ALDH9A1: variants seen among roughly 807,000 people sequenced by gnomAD.
ALDH9A1 encodes the protein 4-trimethylaminobutyraldehyde dehydrogenase.
ALDH9A1 carries 42 observed loss-of-function variants against 56.6 expected under a neutral mutation model. The observed-to-expected ratio is 0.74, with a 90% CI of 0.58 to 0.96. ALDH9A1 has a LOEUF of 0.96. Among genes scored for constraint, ALDH9A1 ranks in the 40% least tolerant of loss-of-function variants. ALDH9A1 has a pLI of 0.00. For synonymous variants in ALDH9A1, 242 were observed against 236.0 expected (o/e 1.03, Z -0.23); for missense variants, 661 against 651.5 (o/e 1.01, Z -0.16).
chr1:165,675,493 GCA>G (rs993378657), intron 6 of ALDH9A1, among the ~76,000 whole-genome samples: 2 of 152,080 alleles, frequency 1.3e-5, no homozygotes, highest in Non-Finnish European at 2.9e-5. Flanking sequence ...AACACAGGAA[GCA>G]AAAACCAGAA....
chr1:165,698,372 A>G lies in ALDH9A1; in HGVS notation c.181+6T>C, dbSNP rs780185404. ...CGCCCCAGCCTCCCCGGCTCGTTGC[A>G]GTTACCGGTTGCTGGCTCGAAAGCT... On this transcript the variant is annotated splice_donor_region_variant and intron_variant, in intron 1 of 10. Transcript: ENST00000354775. 1 of 1,588,152 alleles carries G rather than the reference A, an allele frequency of 6.3e-7. No homozygotes were observed. Among genetic ancestry groups the G allele is most frequent in the Non-Finnish European group, 8.6e-7 (1 of 1,169,580 alleles).
At chr1:165,685,915 T>G (rs1048664243) in intron 2 of ALDH9A1, among the ~76,000 whole-genome samples, 3 of 152,168 alleles carry the variant, frequency 2.0e-5, no homozygotes, top group African/African-American at 7.2e-5. Flanking sequence ...TTAAGTAACA[T>G]TCTCCCTCCC....
intron 4 of ALDH9A1, 29 bp from the exon 5 acceptor site, chr1:165,680,712 A>T (rs760374598): frequency 1.3e-6 from 2 of 1,554,044 alleles, no homozygotes; most frequent in Non-Finnish European, 1.7e-6. Flanking sequence ...CAAACATAAA[A>T]AGACTTTCTA....
At chr1:165,664,958 G>T in intron 10 of ALDH9A1, 60 bp downstream of exon 10, 1 of 1,311,580 alleles carries the variant, frequency 7.6e-7, no homozygotes, top group Non-Finnish European at 1.1e-6. Flanking sequence ...GGTTTATAAG[G>T]TCTGAATTAC....
intron 4 of ALDH9A1, 64 bp downstream of exon 4, chr1:165,682,043 T>C (rs142657596): frequency 5.7e-6 from 9 of 1,585,366 alleles, no homozygotes; most frequent in Non-Finnish European, 7.7e-6. Context: ...AGGTAGAGAA[T>C]GGGGAGAGAA....
chr1:165,675,489 G>A (rs1649329572), intron 6 of ALDH9A1, among the ~76,000 whole-genome samples: 1 of 152,072 alleles, frequency 6.6e-6, no homozygotes, highest in Admixed American at 6.6e-5. Flanking sequence ...AAGAAACACA[G>A]GAAGCAAAAA....
chr1:165,689,999 G>T (rs1039103743), intron 2 of ALDH9A1, among the ~76,000 whole-genome samples: 3 of 145,542 alleles, frequency 2.1e-5, no homozygotes, highest in African/African-American at 7.7e-5. Context: ...GCTGCATTTT[G>T]CTGTAATAAA....
In ALDH9A1 at chr1:165,683,204, A is replaced by G. The variant is rs78491005; in HGVS notation, c.328-94T>C. The G allele has an allele frequency of 3.2e-3, 4,216 of 1,315,428 alleles. 21 individuals carry two copies. The highest frequency in any genetic ancestry group is 0.018 in the African/African-American group (1,214 of 68,572). 81.5% of individuals were successfully genotyped at this position (1,315,428 alleles called of 1,614,324 possible). On this transcript the variant is annotated intron_variant, in intron 2 of 10. Coordinates refer to ENST00000354775, the MANE Select transcript of ALDH9A1 (RefSeq NM_000696.4). ...TAGAACACACTGCTCAATTTTTAAA[A>G]CTAAAAATAGCTTTCACTTTAAATG...
intron 8 of ALDH9A1, 125 bp downstream of exon 8, chr1:165,668,801 G>T: frequency 1.4e-6 from 1 of 697,138 alleles, no homozygotes; most frequent in Non-Finnish European, 2.4e-6. Flanking sequence ...TCTTAAACTT[G>T]GGTAGTAGGA....
At position 165,663,110 on chromosome 1, in the gene ALDH9A1, T is replaced by C. The variant is rs1648895663; in HGVS notation, c.1497A>G (p.Glu499=). The C allele has an allele frequency of 1.2e-6, 2 of 1,613,924 alleles. No homozygotes were observed. Among genetic ancestry groups the C allele is most frequent in the African/African-American group, 2.7e-5 (2 of 74,908 alleles). Reference sequence around the variant, plus strand: ...ACACAGTCTTCAGCTGTGAATAATATTCGATTGTCACACGGCCGTTCTCTC... The same window carrying C: ...ACACAGTCTTCAGCTGTGAATAATACTCGATTGTCACACGGCCGTTCTCTC... ...FGRENGRVTI[E]YYSQLKTVCV... is the part of the protein sequence containing the mutation. The change falls in exon 11 of 11, where the codon GAA becomes GAG. Residue 499 remains glutamate (E), a synonymous_variant. Coordinates refer to ENST00000354775, the MANE Select transcript of ALDH9A1 (RefSeq NM_000696.4).
chr1:165,671,628 T>TA (rs1553242581), intron 6 of ALDH9A1: 31 of 483,490 alleles, frequency 6.4e-5, no homozygotes, highest in Non-Finnish European at 7.6e-5. Context: ...CTGATTCTGA[T>TA]AGAGAGCCGG....
intron 6 of ALDH9A1, 46 bp downstream of exon 6, chr1:165,679,396 G>C: frequency 6.2e-7 from 1 of 1,600,852 alleles, no homozygotes; most frequent in South Asian, 1.1e-5. Flanking sequence ...TGTTGGATGA[G>C]GGGGTAGAGA....
At chr1:165,688,441 G>A (rs1649780015) in intron 2 of ALDH9A1, among the ~76,000 whole-genome samples, 1 of 152,108 alleles carries the variant, frequency 6.6e-6, no homozygotes, top group African/African-American at 2.4e-5. Flanking sequence ...GTAAATATGT[G>A]GACAAATGTG....
At chr1:165,674,984 G>A (rs988954731) in intron 6 of ALDH9A1, among the ~76,000 whole-genome samples, 27 of 152,134 alleles carry the variant, frequency 1.8e-4, no homozygotes, top group African/African-American at 6.3e-4. Flanking sequence ...CCTGAGCTCA[G>A]GAGTTCAAGA....
At chr1:165,685,312 T>C (rs1167146975) in intron 2 of ALDH9A1, among the ~76,000 whole-genome samples, 1 of 152,218 alleles carries the variant, frequency 6.6e-6, no homozygotes, top group Non-Finnish European at 1.5e-5. Context: ...CAGGGCTTAA[T>C]GTCTAGCTTT....
In ALDH9A1 at chr1:165,667,301, C is replaced by T. The variant is rs1649037091; in HGVS notation, c.1349+8G>A. 3 of 1,613,886 alleles carry T rather than the reference C, an allele frequency of 1.9e-6. No individual in the cohort carries two copies. The Admixed American group carries it at 5.0e-5, about 27-fold the overall frequency. ...TCAAAACTGCTCTCAGTGTCCCACT[C>T]CACATACCTGGTAAAGACGCCAGCT... On this transcript the variant is annotated splice_region_variant and intron_variant, in intron 9 of 10. Transcript: ENST00000354775.
At chr1:165,663,260 T>C in intron 10 of ALDH9A1, 116 bp from the exon 11 acceptor site, 1 of 829,698 alleles carries the variant, frequency 1.2e-6, no homozygotes, top group Non-Finnish European at 2.0e-6. Flanking sequence ...AGAACCTAAA[T>C]GTTTTGGAAT....
chr1:165,694,940 A>G (rs1650017519), intron 2 of ALDH9A1, among the ~76,000 whole-genome samples: 1 of 150,170 alleles, frequency 6.7e-6, no homozygotes, highest in Admixed American at 6.6e-5. Flanking sequence ...TGGGCGACAG[A>G]GCAAGATTCC....
intron 8 of ALDH9A1, 127 bp from the exon 9 acceptor site, chr1:165,667,577 G>C: frequency 1.0e-6 from 1 of 967,024 alleles, no homozygotes; most frequent in Non-Finnish European, 1.5e-6. Context: ...CTGGGCTCCA[G>C]CGATCCTCCT....
Sources: gnomAD v4.1 joint callset for allele counts (sites outside exome capture counted in the v4.1 genomes callset) on GRCh38, gnomAD v4.1.1 for gene constraint, MANE v1.5 for transcripts, NCBI Gene and HGNC (gene_info 2026-07-23, HGNC 2026-07-21) for gene names.